Variants in FBXL7 observed in about 807,000 individuals in gnomAD.
The protein encoded by FBXL7 is F-box/LRR-repeat protein 7.
In FBXL7, 12 loss-of-function variants were observed where a neutral mutation model predicts 38.3. The ratio of observed to expected loss-of-function variants is 0.31; its 90% CI spans 0.20 to 0.51. FBXL7 has a LOEUF of 0.51. Ranked by LOEUF, FBXL7 falls within the 20% of genes least tolerant of loss-of-function variation. The pLI is 0.98. For missense variants in FBXL7, 567 were observed against 676.4 expected (o/e 0.84, Z 1.79); for synonymous variants, 297 against 300.9 (o/e 0.99, Z 0.13).
At chr5:15,648,457 C>T (rs759571710) in intron 2 of FBXL7, among the ~76,000 whole-genome samples, 6 of 152,142 alleles carry the variant, frequency 3.9e-5, no homozygotes, top group Non-Finnish European at 7.4e-5. Context: ...TATTTTTTCC[C>T]AGTAGCATAA....
In FBXL7 at chr5:15,916,447, C is replaced by T. The variant is rs532777165; in HGVS notation, c.128-11443C>T. Among the ~76,000 whole-genome samples, 32 of 152,078 alleles carry T rather than the reference C, an allele frequency of 2.1e-4. No homozygotes were observed. In the South Asian group the frequency reaches 5.2e-3, roughly 25 times the overall value. The stretch of plus-strand genomic sequence containing the variant: ...AGGCAATTGCTGAAGCCTTGTGGGC[C>T]GTGAGCCCATCGAGCAGGGAGCCAG... On this transcript the variant is annotated intron_variant, in intron 2 of 3. Coordinates refer to ENST00000504595, the MANE Select transcript of FBXL7 (RefSeq NM_012304.5).
chr5:15,832,952 A>G (rs570607292), intron 2 of FBXL7, among the ~76,000 whole-genome samples: 8 of 152,014 alleles, frequency 5.3e-5, no homozygotes, highest in Non-Finnish European at 1.2e-4. Flanking sequence ...TATTCTCATG[A>G]TAGTGAATAA....
intron 2 of FBXL7, among the ~76,000 whole-genome samples, chr5:15,669,671 G>T (rs1489077972): frequency 1.3e-5 from 2 of 152,098 alleles, no homozygotes. Flanking sequence ...TATCACCCGT[G>T]CTCCCTCCCA....
chr5:15,573,553 G>GCAT (rs1036024091), intron 1 of FBXL7, among the ~76,000 whole-genome samples: 12 of 152,140 alleles, frequency 7.9e-5, no homozygotes, highest in Admixed American at 6.5e-5. Context: ...TTTATGGGAG[G>GCAT]CATCACTCAG....
At chr5:15,628,791 T>C (rs886306654) in intron 2 of FBXL7, among the ~76,000 whole-genome samples, 2 of 152,198 alleles carry the variant, frequency 1.3e-5, no homozygotes, top group Non-Finnish European at 2.9e-5. Flanking sequence ...ACTATTCTTT[T>C]TATGCTTGGC....
rs1215653570 is a variant in FBXL7, at chr5:15,536,878, A to G, written c.37+36165A>G. On this transcript the variant is annotated intron_variant, in intron 1 of 3. Coordinates refer to ENST00000504595, the MANE Select transcript of FBXL7 (RefSeq NM_012304.5). The stretch of plus-strand genomic sequence containing the variant: ...TGGTTTGGCTCTGTGTCTTCACCCA[A>G]ATCTCATCTTGAATTGTAATCCCAT... Among the ~76,000 whole-genome samples, 7 of 151,886 alleles carry G rather than the reference A, an allele frequency of 4.6e-5. No individual in the cohort carries two copies. In the East Asian group the frequency reaches 5.8e-4, roughly 13 times the overall value.
chr5:15,540,209 T>A (rs564545423), intron 1 of FBXL7, among the ~76,000 whole-genome samples: 81 of 152,214 alleles, frequency 5.3e-4, no homozygotes, highest in African/African-American at 1.8e-3. Context: ...ATACCCAAGG[T>A]GTATATCACT....
Position 15,939,471 on chromosome 5 carries a change from C to G in FBXL7, c.*2285C>G, listed in dbSNP as rs1742286466. 6.4e-6 allele frequency: 1 copy of G among 157,050 alleles called. No homozygotes were observed. The highest frequency in any genetic ancestry group is 1.8e-4 in the East Asian group (1 of 5,424). 9.7% of individuals were successfully genotyped at this position (157,050 alleles called of 1,614,324 possible). A position where few individuals can be genotyped will look rare whatever the true frequency, so the allele number is the denominator to read the frequency against. On this transcript the variant is annotated 3_prime_UTR_variant, in exon 4 of 4. Coordinates refer to ENST00000504595, the MANE Select transcript of FBXL7 (RefSeq NM_012304.5). ...CAAACATGAGACAAAGCTGACTGTT[C>G]ACACTGATTGCCCAGCACATACCGT...
chr5:15,519,072 G>T (rs565609001), intron 1 of FBXL7, among the ~76,000 whole-genome samples: 1 of 152,198 alleles, frequency 6.6e-6, no homozygotes, highest in Non-Finnish European at 1.5e-5. Context: ...AGCAGGGCGC[G>T]GTGGCTCATG....
intron 2 of FBXL7, among the ~76,000 whole-genome samples, chr5:15,730,647 A>AATC (rs1735557278): frequency 6.6e-6 from 1 of 152,240 alleles, no homozygotes; most frequent in African/African-American, 2.4e-5. Context: ...ATATAGATAT[A>AATC]ATCATATCAT....
intron 2 of FBXL7, among the ~76,000 whole-genome samples, chr5:15,700,902 G>C (rs1399035664): frequency 6.6e-6 from 1 of 152,042 alleles, no homozygotes; most frequent in African/African-American, 2.4e-5. Context: ...TATATAAAGT[G>C]AGGTACAGAT....
chr5:15,723,882 C>A (rs1481214684), intron 2 of FBXL7, among the ~76,000 whole-genome samples: 4 of 152,038 alleles, frequency 2.6e-5, no homozygotes, highest in East Asian at 3.8e-4. Context: ...TTGTTTCTTT[C>A]TATTTTGTTT....
At chr5:15,794,125 G>GT (rs1218096687) in intron 2 of FBXL7, among the ~76,000 whole-genome samples, 2 of 152,118 alleles carry the variant, frequency 1.3e-5, no homozygotes, top group African/African-American at 2.4e-5. Context: ...CACAGCAAGG[G>GT]GATAAGCATT....
intron 2 of FBXL7, among the ~76,000 whole-genome samples, chr5:15,790,586 A>G (rs1248505267): frequency 6.6e-6 from 1 of 152,168 alleles, no homozygotes; most frequent in African/African-American, 2.4e-5. Flanking sequence ...CATTGGCCAA[A>G]TATTAGGTGC....
chr5:15,511,157 C>T (rs1357118814), intron 1 of FBXL7, among the ~76,000 whole-genome samples: 1 of 152,226 alleles, frequency 6.6e-6, no homozygotes, highest in Non-Finnish European at 1.5e-5. Flanking sequence ...AAATGAAAGG[C>T]ATCTTCTGAG....
chr5:15,523,228 G>A (rs894946332), intron 1 of FBXL7, among the ~76,000 whole-genome samples: 1 of 152,284 alleles, frequency 6.6e-6, no homozygotes, highest in East Asian at 1.9e-4. Context: ...TTTAACAAGA[G>A]ACCATAGAAA....
intron 2 of FBXL7, among the ~76,000 whole-genome samples, chr5:15,906,481 A>T (rs1579591719): frequency 5.5e-5 from 7 of 127,370 alleles, no homozygotes; most frequent in South Asian, 2.5e-4. Flanking sequence ...TACCATAATT[A>T]TTATTTTTTA....
At chr5:15,784,276 G>A (rs1329918219) in intron 2 of FBXL7, among the ~76,000 whole-genome samples, 1 of 152,124 alleles carries the variant, frequency 6.6e-6, no homozygotes, top group Non-Finnish European at 1.5e-5. Flanking sequence ...TAGCCCTGTA[G>A]GTCCTCTTCA....
rs369846723 is a variant in FBXL7, at chr5:15,672,602, T to A, written c.127+56530T>A. 9.7e-4 allele frequency among the ~76,000 whole-genome samples: 147 copies of A among 151,398 alleles called. 1 individual carries two copies. Among genetic ancestry groups the A allele is most frequent in the African/African-American group, 3.5e-3 (143 of 41,192 alleles). On this transcript the variant is annotated intron_variant, in intron 2 of 3. Coordinates refer to ENST00000504595, the MANE Select transcript of FBXL7 (RefSeq NM_012304.5). ...GATGAAGTCTTACTGTCGCTCAGGT[T>A]GGTGTGCAGTGGCACGATCTTGGCT...
Sources: allele counts gnomAD v4.1 joint callset (sites outside exome capture counted in the v4.1 genomes callset), GRCh38; gene constraint gnomAD v4.1.1; transcripts MANE v1.5; gene names NCBI Gene and HGNC (gene_info 2026-07-23, HGNC 2026-07-21).